The following SPOP variants were observed in gnomAD, a reference collection of about 807,000 sequenced individuals.
SPOP encodes speckle-type POZ protein.
Under a neutral mutation model 45.6 loss-of-function variants are expected in SPOP, and 11 were observed. The ratio of observed to expected loss-of-function variants is 0.24; its 90% CI spans 0.15 to 0.40. The LOEUF is 0.40. Among genes scored for constraint, SPOP ranks in the 10% least tolerant of loss-of-function variants. The probability of loss-of-function intolerance (pLI) is 1.00; values close to 1 mark genes in which losing one functional copy is unlikely to be tolerated. For missense variants in SPOP, 152 were observed against 465.6 expected (o/e 0.33, Z 6.20); for synonymous variants, 166 against 166.3 (o/e 1.00, Z 0.01).
intron 1 of SPOP, chr17:49,646,464 G>A (rs187921069): frequency 6.6e-6 from 1 of 151,780 alleles, no homozygotes; most frequent in Non-Finnish European, 1.5e-5. Flanking sequence ...CTTGGGAGGT[G>A]GAGGCCACAG....
intron 1 of SPOP, among the ~76,000 whole-genome samples, chr17:49,625,201 C>T (rs919434275): frequency 2.0e-5 from 3 of 152,100 alleles, no homozygotes; most frequent in African/African-American, 4.8e-5. Flanking sequence ...GTTTTCAATG[C>T]GGCACCATTA....
intron 1 of SPOP, 70 bp from the exon 2 acceptor site, chr17:49,622,946 T>C: frequency 1.4e-6 from 1 of 695,054 alleles, no homozygotes. Flanking sequence ...TTGTTTGACC[T>C]GATAGAGGCT....
chr17:49,666,479 ACACACAC>A (rs1342414663), intron 1 of SPOP, among the ~76,000 whole-genome samples: 84 of 151,898 alleles, frequency 5.5e-4, no homozygotes, highest in African/African-American at 1.9e-3. Flanking sequence ...ACACACACAC[ACACACAC>A]ACACACACCC....
intron 1 of SPOP, among the ~76,000 whole-genome samples, chr17:49,627,115 C>T (rs540636175): frequency 6.6e-6 from 1 of 152,318 alleles, no homozygotes; most frequent in East Asian, 1.9e-4. Flanking sequence ...TCCCAAAGTG[C>T]TGGGATTACA....
At chr17:49,654,470 G>A (rs1038256936) in intron 1 of SPOP, among the ~76,000 whole-genome samples, 5 of 152,106 alleles carry the variant, frequency 3.3e-5, no homozygotes, top group Non-Finnish European at 5.9e-5. Flanking sequence ...ATTAATTCAT[G>A]GCATCCACTT....
chr17:49,613,953 T>C lies in SPOP; in HGVS notation c.481-2496A>G, dbSNP rs185251415. Among the ~76,000 whole-genome samples, 124 of 152,332 alleles carry C rather than the reference T, an allele frequency of 8.1e-4. 1 individual carries two copies. Among genetic ancestry groups the C allele is most frequent in the African/African-American group, 2.7e-3 (113 of 41,578 alleles). The stretch of plus-strand genomic sequence containing the variant: ...GAAGATGACGTGACTGTGACATTTA[T>C]GTCATCTTATAAATGACTGCATGAA... On this transcript the variant is annotated intron_variant, in intron 5 of 9. Coordinates refer to ENST00000504102, the MANE Select transcript of SPOP (RefSeq NM_001007228.2).
chr17:49,600,235 A>T lies in SPOP; in HGVS notation c.*143T>A. The T allele has an allele frequency of 9.0e-7, 1 of 1,113,200 alleles. No individual in the cohort carries two copies. Among genetic ancestry groups the T allele is most frequent in the Non-Finnish European group, 1.3e-6 (1 of 772,124 alleles). 69.0% of individuals were successfully genotyped at this position (1,113,200 alleles called of 1,614,324 possible). A position where few individuals can be genotyped will look rare whatever the true frequency, so the allele number is the denominator to read the frequency against. On this transcript the variant is annotated 3_prime_UTR_variant, in exon 10 of 10. Coordinates refer to ENST00000504102, the MANE Select transcript of SPOP (RefSeq NM_001007228.2). This position sits in a 1 kb window ranked among gnomAD's most constrained non-coding sequence, Gnocchi z 4.2. ...CCCCCAAGTTATTTAGTGCTGTTTT[A>T]AAAGTCTGGGGCCACAATGCAGTCT...
rs2143274397 is a variant in SPOP at position 49,619,388 on chromosome 17, G to A, written c.201-3C>T. 6.3e-7 allele frequency: 1 copy of A among 1,593,936 alleles called. No individual in the cohort carries two copies. Among genetic ancestry groups the A allele is most frequent in the African/African-American group, 1.4e-5 (1 of 73,442 alleles). On this transcript the variant is annotated splice_region_variant and splice_polypyrimidine_tract_variant and intron_variant, in intron 3 of 9. Transcript: ENST00000504102. This position sits in a 1 kb window ranked among gnomAD's most constrained non-coding sequence, Gnocchi z 4.9. ...CTTTGGGGTTTACTCGCAAACACCT[G>A]TCCAAAACAGATAGAAAAAAAAAAT...
chr17:49,648,752 T>C (rs1156261073), intron 1 of SPOP, among the ~76,000 whole-genome samples: 1 of 152,172 alleles, frequency 6.6e-6, no homozygotes, highest in Non-Finnish European at 1.5e-5. Flanking sequence ...CTTTTTACTT[T>C]GGATGTAAAT....
At chr17:49,659,445 T>C (rs2072958105) in intron 1 of SPOP, among the ~76,000 whole-genome samples, 1 of 152,222 alleles carries the variant, frequency 6.6e-6, no homozygotes, top group Non-Finnish European at 1.5e-5. Context: ...CTCAAAGTTA[T>C]CTTTCATTCC....
Position 49,599,894 on chromosome 17 carries a change from T to C in SPOP, c.*484A>G, listed in dbSNP as rs2071708202. The C allele has an allele frequency of 4.4e-6, 1 of 226,150 alleles. No homozygotes were observed. Among genetic ancestry groups the C allele is most frequent in the Admixed American group, 5.4e-5 (1 of 18,466 alleles). 14.0% of individuals were successfully genotyped at this position (226,150 alleles called of 1,614,324 possible). A position where few individuals can be genotyped will look rare whatever the true frequency, so the allele number is the denominator to read the frequency against. On this transcript the variant is annotated 3_prime_UTR_variant, in exon 10 of 10. Coordinates refer to ENST00000504102, the MANE Select transcript of SPOP (RefSeq NM_001007228.2). ...TTTAGCACAGTTAGAAGGACTAAAA[T>C]TTGTTTCTCTCAATATAAATACTAC...
At chr17:49,655,288 T>C (rs2072892544) in intron 1 of SPOP, among the ~76,000 whole-genome samples, 2 of 152,068 alleles carry the variant, frequency 1.3e-5, no homozygotes, top group Admixed American at 6.5e-5. Context: ...AAGACGGGTG[T>C]ATCACGAGGT....
At chr17:49,616,862 G>A (rs981875855) in intron 5 of SPOP, among the ~76,000 whole-genome samples, 3 of 152,300 alleles carry the variant, frequency 2.0e-5, no homozygotes, top group South Asian at 2.1e-4. Flanking sequence ...ACATCTCCTC[G>A]TTTCTAAAGT....
intron 1 of SPOP, among the ~76,000 whole-genome samples, chr17:49,623,935 A>G (rs1266375534): frequency 6.6e-6 from 1 of 152,086 alleles, no homozygotes; most frequent in Non-Finnish European, 1.5e-5. Context: ...ATCCATCCCA[A>G]CAATGTCAAA....
chr17:49,620,797 C>T (rs537068086), intron 3 of SPOP: 2 of 153,780 alleles, frequency 1.3e-5, no homozygotes, highest in East Asian at 3.9e-4. Context: ...CATATGTATC[C>T]TTAAGCCTTA....
intron 5 of SPOP, among the ~76,000 whole-genome samples, chr17:49,618,210 T>C (rs1427170391): frequency 1.3e-5 from 2 of 152,226 alleles, no homozygotes; most frequent in Non-Finnish European, 2.9e-5. Flanking sequence ...GGAACACTAA[T>C]GCCCCAGTTG....
At chr17:49,621,781 G>A (rs2072225605) in intron 3 of SPOP, among the ~76,000 whole-genome samples, 165 bp downstream of exon 3, 1 of 152,200 alleles carries the variant, frequency 6.6e-6, no homozygotes, top group African/African-American at 2.4e-5. Flanking sequence ...CATTTAGTGA[G>A]TACCTATTAT....
At position 49,675,434 on chromosome 17, in the gene SPOP, T is replaced by A. The variant is rs899724988; in HGVS notation, c.-67+2499A>T. 2.6e-5 allele frequency among the ~76,000 whole-genome samples: 4 copies of A among 152,334 alleles called. No homozygotes were observed. In the East Asian group the frequency reaches 7.7e-4, roughly 29 times the overall value. ...GTGAAGAATATATAGGTGTATATGC[T>A]TGTAAAAGGATATACTGTCTCGGGA... On this transcript the variant is annotated intron_variant, in intron 1 of 9. Transcript: ENST00000504102.
intron 1 of SPOP, among the ~76,000 whole-genome samples, chr17:49,657,120 G>C (rs1423846613): frequency 6.6e-6 from 1 of 151,816 alleles, no homozygotes; most frequent in Non-Finnish European, 1.5e-5. Context: ...GGGAGGCGGA[G>C]CTTGCAGTGA....
Sources: allele counts gnomAD v4.1 joint callset (sites outside exome capture counted in the v4.1 genomes callset), GRCh38; gene constraint gnomAD v4.1.1; non-coding constraint Gnocchi (gnomAD v3.1); transcripts MANE v1.5; gene names NCBI Gene and HGNC (gene_info 2026-07-23, HGNC 2026-07-21).